KIAA0586: variants seen among roughly 807,000 people sequenced by gnomAD.
KIAA0586 encodes the protein protein TALPID3.
KIAA0586 carries 144 observed loss-of-function variants against 169.8 expected under a neutral mutation model. The ratio of observed to expected loss-of-function variants is 0.85; its 90% CI spans 0.74 to 0.97. The LOEUF (loss-of-function observed/expected upper bound fraction) is 0.97. Ranked by LOEUF, KIAA0586 falls within the 50% of genes least tolerant of loss-of-function variation. The probability of loss-of-function intolerance (pLI) is 0.00; values close to 1 mark genes in which losing one functional copy is unlikely to be tolerated. For synonymous variants in KIAA0586, 625 were observed against 612.4 expected (o/e 1.02, Z -0.30); for missense variants, 1,854 against 1,823.0 (o/e 1.02, Z -0.31).
At chr14:58,533,725 A>G (rs989640501) in intron 29 of KIAA0586, among the ~76,000 whole-genome samples, 1 of 152,162 alleles carries the variant, frequency 6.6e-6, no homozygotes, top group African/African-American at 2.4e-5. Context: ...TACAGCTTGG[A>G]ACTATTACCC....
Position 58,444,263 on chromosome 14 carries a change from T to G in KIAA0586, c.807+88T>G. ...ATTCATTGATAATTACAGTAGCTCA[T>G]TAGATTGTAACAGTTTTAGTTCTGA... On this transcript the variant is annotated intron_variant, in intron 6 of 30. Transcript: ENST00000652326. The G allele has an allele frequency of 6.1e-6, 5 of 820,558 alleles. No individual in the cohort carries two copies. The Admixed American group carries it at 1.0e-4, about 17-fold the overall frequency. 50.8% of individuals were successfully genotyped at this position (820,558 alleles called of 1,614,324 possible).
At chr14:58,458,830 A>T (rs2040085305) in intron 12 of KIAA0586, among the ~76,000 whole-genome samples, 1 of 152,222 alleles carries the variant, frequency 6.6e-6, no homozygotes, top group Non-Finnish European at 1.5e-5. Flanking sequence ...AAAAAGAATT[A>T]TACTTGCAAA....
chr14:58,507,865 A>G (rs1208091969), intron 27 of KIAA0586, among the ~76,000 whole-genome samples: 1 of 151,700 alleles, frequency 6.6e-6, no homozygotes, highest in East Asian at 1.9e-4. Context: ...GCTCAGTGCA[A>G]CCTCCGCCTC....
chr14:58,447,558 G>A (rs1368479070), intron 6 of KIAA0586, among the ~76,000 whole-genome samples: 1 of 151,522 alleles, frequency 6.6e-6, no homozygotes, highest in Admixed American at 6.6e-5. Flanking sequence ...TCGGCTCACT[G>A]CCACCTCCGT....
intron 6 of KIAA0586, among the ~76,000 whole-genome samples, chr14:58,444,878 A>T (rs1035316375): frequency 6.7e-6 from 1 of 148,792 alleles, no homozygotes; most frequent in African/African-American, 2.5e-5. Context: ...AGAGTTCAAG[A>T]TAAGCCTGGT....
chr14:58,539,059 C>T (rs1200718922), intron 29 of KIAA0586, among the ~76,000 whole-genome samples: 8 of 152,200 alleles, frequency 5.3e-5, no homozygotes, highest in African/African-American at 1.9e-4. Context: ...GGATTACAGG[C>T]ATGAACCACC....
At position 58,547,683 on chromosome 14, in the gene KIAA0586, C is replaced by T. The variant is rs1048259850; in HGVS notation, c.4496-98C>T. 16 of 794,086 alleles carry T rather than the reference C, an allele frequency of 2.0e-5. 1 individual carries two copies. The highest frequency in any genetic ancestry group is 3.2e-5 in the South Asian group (2 of 62,834). 49.2% of individuals were successfully genotyped at this position (794,086 alleles called of 1,614,324 possible). A position where few individuals can be genotyped will look rare whatever the true frequency, so the allele number is the denominator to read the frequency against. On this transcript the variant is annotated intron_variant, in intron 30 of 30. Coordinates refer to ENST00000652326, the MANE Select transcript of KIAA0586 (RefSeq NM_001329943.3). ...GTAGGCAATCCTTATTTGGAATCCGCGCCCCCCCACCCCAACCTCATATTA... is the reference window on the plus strand; with the variant it reads ...GTAGGCAATCCTTATTTGGAATCCGTGCCCCCCCACCCCAACCTCATATTA...
At chr14:58,466,319 G>C (rs1444079718) in intron 15 of KIAA0586, among the ~76,000 whole-genome samples, 2 of 152,160 alleles carry the variant, frequency 1.3e-5, no homozygotes, top group Non-Finnish European at 2.9e-5. Context: ...TTGTGGGGAA[G>C]GCCTCACAAT....
At chr14:58,428,494 T>G (rs1447719765) in intron 1 of KIAA0586, 31 bp downstream of exon 1, 1 of 1,508,956 alleles carries the variant, frequency 6.6e-7, no homozygotes, top group Non-Finnish European at 9.2e-7. Flanking sequence ...TTTCAACCAG[T>G]TTTAGTTTAG....
intron 1 of KIAA0586, among the ~76,000 whole-genome samples, chr14:58,428,946 T>C (rs1227111421): frequency 2.0e-5 from 3 of 152,140 alleles, no homozygotes; most frequent in Non-Finnish European, 4.4e-5. Flanking sequence ...CTGCTAATTG[T>C]GAGGATTAAA....
chr14:58,511,770 T>G (rs1223054702), intron 28 of KIAA0586, among the ~76,000 whole-genome samples: 1 of 152,226 alleles, frequency 6.6e-6, no homozygotes, highest in Non-Finnish European at 1.5e-5. Flanking sequence ...GATTACATTG[T>G]GTCCATGTGG....
chr14:58,508,031 A>T (rs1000952239), intron 27 of KIAA0586, among the ~76,000 whole-genome samples: 1 of 151,774 alleles, frequency 6.6e-6, no homozygotes, highest in African/African-American at 2.4e-5. Context: ...GCATCCACCC[A>T]CCTCAGCTTC....
intron 25 of KIAA0586, 87 bp from the exon 26 acceptor site, chr14:58,492,057 T>C: frequency 9.2e-7 from 1 of 1,088,782 alleles, no homozygotes; most frequent in Middle Eastern, 3.0e-4. Context: ...ATCTCATGAC[T>C]GATAAGTTTT....
At position 58,457,801 on chromosome 14, in the gene KIAA0586, C is replaced by A. The variant is rs1323358756; in HGVS notation, c.1405C>A (p.Gln469Lys). 1.2e-6 allele frequency: 2 copies of A among 1,606,760 alleles called. No individual in the cohort carries two copies. The highest frequency in any genetic ancestry group is 2.2e-5 in the East Asian group (1 of 44,812). The change falls in exon 11 of 31, where the codon CAG becomes AAG. Residue 469 changes from glutamine to lysine, a missense_variant. Transcript: ENST00000652326. ...TATGTTGAAGCTTCCAGATCTTCCA[C>A]AGAATTCTGTTAAGCTTCAAACAAC... ...LSMLKLPDLP[Q>K]NSVKLQTTNT...
upstream of KIAA0586, chr14:58,427,583 G>A (rs991809441): frequency 1.3e-5 from 20 of 1,535,370 alleles, no homozygotes; most frequent in African/African-American, 2.6e-4. Context: ...GTTTCCACCC[G>A]GAGAGGAATG....
intron 21 of KIAA0586, among the ~76,000 whole-genome samples, chr14:58,483,253 A>G (rs1456770188): frequency 1.3e-5 from 2 of 152,220 alleles, no homozygotes; most frequent in Non-Finnish European, 2.9e-5. Context: ...GGCCTCTTGC[A>G]GTTCAAACCT....
chr14:58,560,384 T>C, the KIAA0586 span, among the ~76,000 whole-genome samples: 1 of 152,208 alleles, frequency 6.6e-6, no homozygotes, highest in Non-Finnish European at 1.5e-5. Flanking sequence ...CTGGTTCTCA[T>C]GTATGCCGGA....
chr14:58,434,254 A>G (rs559428730), intron 4 of KIAA0586, among the ~76,000 whole-genome samples: 4 of 152,354 alleles, frequency 2.6e-5, no homozygotes, highest in African/African-American at 7.2e-5. Context: ...AATACAGTGT[A>G]TTAAGAATAC....
chr14:58,474,863 A>G (rs1277293383), intron 19 of KIAA0586, 66 bp downstream of exon 19: 7 of 1,159,066 alleles, frequency 6.0e-6, no homozygotes, highest in South Asian at 1.6e-5. Context: ...AAGTATTAAA[A>G]TGTGGCTGAA....
Sources: allele counts gnomAD v4.1 joint callset (sites outside exome capture counted in the v4.1 genomes callset), GRCh38; gene constraint gnomAD v4.1.1; transcripts MANE v1.5; gene names NCBI Gene and HGNC (gene_info 2026-07-23, HGNC 2026-07-21).